The following CDKAL1 variants were observed in gnomAD, a reference collection of about 807,000 sequenced individuals.
CDKAL1 encodes the protein CDKAL1 threonylcarbamoyladenosine tRNA methylthiotransferase, also known as threonylcarbamoyladenosine tRNA methylthiotransferase.
In CDKAL1, 32 loss-of-function variants were observed where a neutral mutation model predicts 68.2. The ratio of observed to expected loss-of-function variants is 0.47; its 90% CI spans 0.35 to 0.63. The LOEUF (loss-of-function observed/expected upper bound fraction) is 0.63. Ranked by LOEUF, CDKAL1 falls within the 30% of genes least tolerant of loss-of-function variation. The pLI is 0.00. For synonymous variants in CDKAL1, 234 were observed against 244.3 expected (o/e 0.96, Z 0.39); for missense variants, 606 against 696.7 (o/e 0.87, Z 1.47).
intron 5 of CDKAL1, among the ~76,000 whole-genome samples, chr6:20,653,167 C>T (rs1368057804): frequency 6.6e-6 from 1 of 152,044 alleles, no homozygotes; most frequent in Non-Finnish European, 1.5e-5. Context: ...ATGGACATTC[C>T]TGCTATGACT....
At chr6:21,042,745 AC>A (rs1770001123) in intron 11 of CDKAL1, among the ~76,000 whole-genome samples, 1 of 152,264 alleles carries the variant, frequency 6.6e-6, no homozygotes, top group Middle Eastern at 3.4e-3. Context: ...TTACTGATGT[AC>A]CGCTTCAAAC....
At chr6:20,896,103 C>CTTTTTTTTCTTTTCTTTTCTTTT (rs1761673075) in intron 9 of CDKAL1, among the ~76,000 whole-genome samples, 2 of 90,148 alleles carry the variant, frequency 2.2e-5, no homozygotes. Flanking sequence ...CTTTTCTTTT[C>CTTTTTTTTCTTTTCTTTTCTTTT]TTTTTTTTTT....
chr6:21,151,160 T>C (rs1776394747), intron 13 of CDKAL1, among the ~76,000 whole-genome samples: 1 of 152,194 alleles, frequency 6.6e-6, no homozygotes, highest in South Asian at 2.1e-4. Context: ...ATTTTTAGTT[T>C]GTGGGGGAGA....
intron 5 of CDKAL1, among the ~76,000 whole-genome samples, chr6:20,691,066 A>T (rs1428471253): frequency 1.3e-5 from 2 of 152,202 alleles, no homozygotes; most frequent in Non-Finnish European, 2.9e-5. Flanking sequence ...GGCAATAATG[A>T]CTTCGAAGGT....
intron 4 of CDKAL1, 42 bp downstream of exon 4, chr6:20,548,747 G>C: frequency 1.1e-6 from 1 of 927,458 alleles, no homozygotes; most frequent in Non-Finnish European, 1.7e-6. Context: ...AAATTTTTCA[G>C]AATTAAGCTT....
intron 5 of CDKAL1, among the ~76,000 whole-genome samples, chr6:20,737,378 T>C (rs1370746548): frequency 1.3e-5 from 2 of 152,364 alleles, no homozygotes; most frequent in East Asian, 3.8e-4. Flanking sequence ...AAAGCACTTG[T>C]CTTCTTCATT....
chr6:20,888,875 G>A (rs1200586069), intron 9 of CDKAL1, among the ~76,000 whole-genome samples: 2 of 152,064 alleles, frequency 1.3e-5, no homozygotes, highest in African/African-American at 4.8e-5. Flanking sequence ...TAGTCCTTTG[G>A]GTATATACCC....
intron 15 of CDKAL1, among the ~76,000 whole-genome samples, chr6:21,205,944 C>T (rs1213532350): frequency 1.3e-5 from 2 of 149,876 alleles, no homozygotes; most frequent in African/African-American, 4.9e-5. Flanking sequence ...ACGCCATTCT[C>T]CTGCCTCAAC....
At position 20,941,594 on chromosome 6, in the gene CDKAL1, C is replaced by A. The variant is rs186118151; in HGVS notation, c.743-13825C>A. Among the ~76,000 whole-genome samples the A allele has an allele frequency of 6.0e-3, 913 of 152,270 alleles. 6 individuals are homozygous for A. The highest frequency in any genetic ancestry group is 0.01 in the Middle Eastern group (3 of 294). ...TACATTGATTGATTACACTCATATG[C>A]ATTGTGTTACCCATAGTGCCAAAAA... is the stretch of plus-strand genomic sequence containing the variant. On this transcript the variant is annotated intron_variant, in intron 9 of 15. Transcript: ENST00000274695.
intron 13 of CDKAL1, among the ~76,000 whole-genome samples, chr6:21,161,772 CACAT>C (rs1776936407): frequency 6.6e-6 from 1 of 152,120 alleles, no homozygotes; most frequent in Non-Finnish European, 1.5e-5. Context: ...CATAATATAA[CACAT>C]AAAGGAATTT....
chr6:20,885,749 T>G (rs1206489042), intron 9 of CDKAL1, among the ~76,000 whole-genome samples: 1 of 152,112 alleles, frequency 6.6e-6, no homozygotes, highest in Admixed American at 6.5e-5. Context: ...ATTTACAAAT[T>G]ATAAATTTGA....
At chr6:20,989,048 C>T (rs1766649636) in intron 10 of CDKAL1, among the ~76,000 whole-genome samples, 1 of 151,964 alleles carries the variant, frequency 6.6e-6, no homozygotes, top group South Asian at 2.1e-4. Context: ...TATGGCTACT[C>T]CTGCCTATAG....
intron 2 of CDKAL1, among the ~76,000 whole-genome samples, chr6:20,541,935 C>T (rs572524046): frequency 1.9e-4 from 29 of 152,400 alleles, no homozygotes; most frequent in Non-Finnish European, 3.7e-4. Context: ...GTTGGGATTA[C>T]TGGCGTGAGC....
intron 8 of CDKAL1, among the ~76,000 whole-genome samples, chr6:20,806,590 G>A (rs1177892012): frequency 6.6e-6 from 1 of 152,106 alleles, no homozygotes; most frequent in Non-Finnish European, 1.5e-5. Flanking sequence ...ATTCCCACCA[G>A]CATGTTTAAG....
chr6:21,073,350 G>A (rs529049015), intron 12 of CDKAL1, among the ~76,000 whole-genome samples: 48 of 152,266 alleles, frequency 3.2e-4, no homozygotes, highest in African/African-American at 7.9e-4. Flanking sequence ...AAAGAGGAGC[G>A]TGATTGCTGA....
chr6:20,946,009 TCATGAG>T (rs1438557402), intron 9 of CDKAL1, among the ~76,000 whole-genome samples: 2 of 152,230 alleles, frequency 1.3e-5, no homozygotes, highest in Non-Finnish European at 2.9e-5. Context: ...CATTCAGTTT[TCATGAG>T]CATAAGTATG....
At chr6:20,926,874 T>C (rs865893363) in intron 9 of CDKAL1, among the ~76,000 whole-genome samples, 64 of 69,458 alleles carry the variant, frequency 9.2e-4, no homozygotes, top group African/African-American at 2.1e-3. Context: ...TATACCAAGA[T>C]GTTTCTATAT....
intron 8 of CDKAL1, among the ~76,000 whole-genome samples, chr6:20,802,011 T>C (rs1776382889): frequency 6.6e-6 from 1 of 152,126 alleles, no homozygotes; most frequent in African/African-American, 2.4e-5. Context: ...AAAATATGAA[T>C]GACGGCCGGG....
At chr6:21,220,081 A>G (rs1779480403) in intron 15 of CDKAL1, among the ~76,000 whole-genome samples, 1 of 152,188 alleles carries the variant, frequency 6.6e-6, no homozygotes, top group African/African-American at 2.4e-5. Flanking sequence ...ATCTCCAGCC[A>G]CTAATGAGGA....
Sources: gnomAD v4.1 joint callset for allele counts (sites outside exome capture counted in the v4.1 genomes callset) on GRCh38, gnomAD v4.1.1 for gene constraint, MANE v1.5 for transcripts, NCBI Gene and HGNC (gene_info 2026-07-23, HGNC 2026-07-21) for gene names.